Variants in G2E3 observed in about 807,000 individuals in gnomAD.
G2E3 encodes the protein G2/M-phase specific E3 ubiquitin protein ligase.
G2E3 carries 35 observed loss-of-function variants against 92.8 expected under a neutral mutation model. That is an observed-to-expected ratio of 0.38 (90% CI 0.29 to 0.50). The LOEUF (loss-of-function observed/expected upper bound fraction) is 0.50, where lower values mean the gene tolerates loss of function less well. Among genes scored for constraint, G2E3 ranks in the 20% least tolerant of loss-of-function variants. The pLI, the probability that G2E3 is intolerant of heterozygous loss-of-function variation, is 0.94. For synonymous variants in G2E3, 242 were observed against 272.4 expected (o/e 0.89, Z 1.10); for missense variants, 554 against 823.8 (o/e 0.67, Z 4.01).
intron 13 of G2E3, 87 bp from the exon 14 acceptor site, chr14:30,615,262 A>G (rs1882260292): frequency 1.5e-6 from 1 of 648,476 alleles, no homozygotes; most frequent in Non-Finnish European, 2.5e-6. Context: ...TTTTGAAAAC[A>G]TGCCAGATAA....
Position 30,572,247 on chromosome 14 carries a change from A to G in G2E3, c.-4-8829A>G, listed in dbSNP as rs192186792. Reference sequence around the variant, plus strand: ...TATAAATATGTTGGTAGGATTTTCTATGTAGATGATCATATGTGAAAACAG... The same window carrying G: ...TATAAATATGTTGGTAGGATTTTCTGTGTAGATGATCATATGTGAAAACAG... On this transcript the variant is annotated intron_variant, in intron 1 of 14. Coordinates refer to ENST00000206595, the MANE Select transcript of G2E3 (RefSeq NM_017769.5). Among the ~76,000 whole-genome samples, 20 of 152,164 alleles carry G rather than the reference A, an allele frequency of 1.3e-4. 1 individual carries two copies. The highest frequency in any genetic ancestry group is 6.2e-4 in the South Asian group (3 of 4,826).
intron 1 of G2E3, 159 bp from the exon 2 acceptor site, chr14:30,580,917 T>C: frequency 1.7e-6 from 1 of 584,226 alleles, no homozygotes; most frequent in Non-Finnish European, 3.1e-6. Flanking sequence ...AACACCCCAG[T>C]TGAGAACTAC....
At chr14:30,563,650 A>G (rs886133947) in intron 1 of G2E3, among the ~76,000 whole-genome samples, 2 of 151,652 alleles carry the variant, frequency 1.3e-5, no homozygotes, top group Non-Finnish European at 2.9e-5. Context: ...CCTGGGGACT[A>G]GTTATATATT....
At chr14:30,611,061 C>T (rs1005403577) in intron 12 of G2E3, among the ~76,000 whole-genome samples, 11 of 152,196 alleles carry the variant, frequency 7.2e-5, no homozygotes, top group African/African-American at 1.9e-4. Flanking sequence ...CTCTCATTAT[C>T]GTGTAACACT....
intron 3 of G2E3, among the ~76,000 whole-genome samples, chr14:30,587,677 T>G (rs1880786178): frequency 6.6e-6 from 1 of 152,112 alleles, no homozygotes; most frequent in African/African-American, 2.4e-5. Context: ...TTGGCCTCAA[T>G]TTCTCCTAGC....
chr14:30,564,241 C>T (rs1879297049), intron 1 of G2E3, among the ~76,000 whole-genome samples: 1 of 152,070 alleles, frequency 6.6e-6, no homozygotes, highest in Admixed American at 6.5e-5. Context: ...TTCTGTTGAC[C>T]TTTGTGTACA....
At chr14:30,598,890 CCTTTTCCA>C (rs2138871935) in intron 8 of G2E3, among the ~76,000 whole-genome samples, 1 of 152,272 alleles carries the variant, frequency 6.6e-6, no homozygotes, top group Non-Finnish European at 1.5e-5. Flanking sequence ...TTGAGATTTC[CCTTTTCCA>C]AATTGCAAGG....
Position 30,616,346 on chromosome 14 carries a change from G to A in G2E3, c.1933G>A (p.Ala645Thr). Residue 645 changes from alanine (A) to threonine (T), a missense_variant, in exon 15 of 15, where the codon GCT (alanine) becomes ACT (threonine). Coordinates refer to ENST00000206595, the MANE Select transcript of G2E3 (RefSeq NM_017769.5). ...AACTGGTTGCAGTTCCATTCCTCCA[G>A]CTGGATTTAAACCCACTCCTTCAAT... is the stretch of plus-strand genomic sequence containing the variant. ...FATGCSSIPP[A>T]GFKPTPSIEC... is the part of the protein sequence containing the mutation. 1 of 1,610,780 alleles carries A rather than the reference G, an allele frequency of 6.2e-7. No individual in the cohort carries two copies. Among genetic ancestry groups the A allele is most frequent in the South Asian group, 1.1e-5 (1 of 90,968 alleles).
At chr14:30,576,758 A>G (rs766249003) in intron 1 of G2E3, among the ~76,000 whole-genome samples, 1 of 152,198 alleles carries the variant, frequency 6.6e-6, no homozygotes, top group Non-Finnish European at 1.5e-5. Context: ...TGCATAGACT[A>G]AGTTGAACCT....
intron 13 of G2E3, among the ~76,000 whole-genome samples, chr14:30,614,133 ATCCTT>A (rs1321221996): frequency 6.6e-6 from 1 of 152,216 alleles, no homozygotes; most frequent in Non-Finnish European, 1.5e-5. Context: ...TATAGGTTTC[ATCCTT>A]ACTATGTCCA....
intron 1 of G2E3, among the ~76,000 whole-genome samples, chr14:30,574,787 C>T (rs1377415982): frequency 6.6e-6 from 1 of 152,112 alleles, no homozygotes; most frequent in African/African-American, 2.4e-5. Context: ...AATATTTTAT[C>T]GTGTATTTGT....
chr14:30,561,910 G>A (rs17348259), intron 1 of G2E3, among the ~76,000 whole-genome samples: 2,946 of 150,662 alleles, frequency 0.02, 52 homozygotes, highest in Middle Eastern at 0.034. Flanking sequence ...GTGTAGTTTA[G>A]TAGAGATTTT....
At chr14:30,608,156 A>G (rs1027936355) in intron 12 of G2E3, 87 bp downstream of exon 12, 5 of 746,160 alleles carry the variant, frequency 6.7e-6, no homozygotes, top group Middle Eastern at 2.5e-4. Flanking sequence ...AAATAATAGT[A>G]TTATCTATGA....
chr14:30,581,779 G>A (rs915585997), intron 2 of G2E3, among the ~76,000 whole-genome samples: 4 of 152,116 alleles, frequency 2.6e-5, no homozygotes, highest in African/African-American at 9.7e-5. Context: ...CCAAATAGAT[G>A]CGGTCCGTTT....
intron 2 of G2E3, among the ~76,000 whole-genome samples, chr14:30,582,891 A>G (rs1347303109): frequency 2.0e-5 from 3 of 152,224 alleles, no homozygotes; most frequent in South Asian, 2.1e-4. Flanking sequence ...TTTCAGTTCT[A>G]GAATCTATTT....
At chr14:30,560,485 T>C (rs1879028691) in intron 1 of G2E3, 1 of 312,772 alleles carries the variant, frequency 3.2e-6, no homozygotes, top group Non-Finnish European at 5.8e-6. Flanking sequence ...CCAGGAAGAA[T>C]AGACTTAAAT....
chr14:30,592,167 G>C (rs1881047154), intron 4 of G2E3, among the ~76,000 whole-genome samples, 156 bp from the exon 5 acceptor site: 1 of 152,020 alleles, frequency 6.6e-6, no homozygotes, highest in Admixed American at 6.6e-5. Context: ...GGGTAGAACA[G>C]TTTTTCAGGA....
At position 30,593,525 on chromosome 14, in the gene G2E3, T is replaced by C; in HGVS notation, c.414T>C (p.Tyr138=). The C allele has an allele frequency of 1.9e-6, 3 of 1,561,846 alleles. No homozygotes were observed. Among genetic ancestry groups the C allele is most frequent in the Non-Finnish European group, 2.6e-6 (3 of 1,133,676 alleles). The part of the protein sequence containing the change: ...RPVQIITSNN[Y]RESLPCTICL... ...TTCAAATAATTACATCTAATAATTA[T>C]AGAGAGTCCTTACCATGCACCATTT... is the stretch of plus-strand genomic sequence containing the variant. The change falls in exon 6 of 15, where the codon TAT becomes TAC. Residue 138 remains tyrosine, a synonymous_variant. Transcript: ENST00000206595.
At chr14:30,572,200 A>G (rs1310252090) in intron 1 of G2E3, among the ~76,000 whole-genome samples, 3 of 152,112 alleles carry the variant, frequency 2.0e-5, no homozygotes, top group Admixed American at 6.5e-5. Flanking sequence ...TTTCATTACA[A>G]CTTGTTAAAG....
Sources: gnomAD v4.1 joint callset for allele counts (sites outside exome capture counted in the v4.1 genomes callset) on GRCh38, gnomAD v4.1.1 for gene constraint, MANE v1.5 for transcripts, NCBI Gene and HGNC (gene_info 2026-07-23, HGNC 2026-07-21) for gene names.